The following BABAM2 variants were observed in gnomAD, a reference collection of about 807,000 sequenced individuals.
BABAM2 encodes the protein BRISC and BRCA1 A complex member 2, also known as BRISC and BRCA1-A complex member 2.
In BABAM2, 31 loss-of-function variants were observed where a neutral mutation model predicts 54.7. The observed-to-expected ratio is 0.57, with a 90% CI of 0.43 to 0.77. BABAM2 has a LOEUF of 0.77. BABAM2 is among the 30% of genes least tolerant of loss of function. The pLI is 0.00. For synonymous variants in BABAM2, 167 were observed against 162.9 expected, an observed-to-expected ratio of 1.03 and a Z score of -0.19; for missense variants, 364 against 455.8, an observed-to-expected ratio of 0.80 and a Z score of 1.83.
chr2:28,026,617 G>T (rs1675685347), intron 5 of BABAM2, among the ~76,000 whole-genome samples: 1 of 149,102 alleles, frequency 6.7e-6, no homozygotes, highest in Non-Finnish European at 1.5e-5. Flanking sequence ...ACCATTAGGA[G>T]ACATACCTGA....
At chr2:27,952,907 T>G (rs1384536634) in intron 3 of BABAM2, among the ~76,000 whole-genome samples, 1 of 152,230 alleles carries the variant, frequency 6.6e-6, no homozygotes, top group Non-Finnish European at 1.5e-5. Flanking sequence ...TCCAATTTAT[T>G]GAAATCTTTC....
At chr2:27,944,386 C>T (rs1669143182) in intron 3 of BABAM2, among the ~76,000 whole-genome samples, 1 of 152,146 alleles carries the variant, frequency 6.6e-6, no homozygotes, top group East Asian at 1.9e-4. Flanking sequence ...ACAAATCGGT[C>T]CCCTCCACCA....
chr2:27,894,008 A>AAG (rs1347470514), intron 1 of BABAM2, among the ~76,000 whole-genome samples: 3 of 151,876 alleles, frequency 2.0e-5, no homozygotes, highest in Admixed American at 6.6e-5. Flanking sequence ...AAAAAGAAAA[A>AAG]AAAAGAAAGA....
intron 11 of BABAM2, among the ~76,000 whole-genome samples, chr2:28,305,844 T>C (rs1322152897): frequency 6.6e-6 from 1 of 152,126 alleles, no homozygotes; most frequent in Non-Finnish European, 1.5e-5. Context: ...TAGGTCACAA[T>C]TTTAATCCTT....
At chr2:27,927,234 C>T (rs947615920) in intron 2 of BABAM2, among the ~76,000 whole-genome samples, 4 of 152,028 alleles carry the variant, frequency 2.6e-5, no homozygotes, top group African/African-American at 9.7e-5. Flanking sequence ...ATGAGTGTAA[C>T]CATTCGGGAA....
At chr2:28,081,756 G>A (rs940626476) in intron 6 of BABAM2, among the ~76,000 whole-genome samples, 3 of 152,106 alleles carry the variant, frequency 2.0e-5, no homozygotes, top group Non-Finnish European at 4.4e-5. Context: ...AATGAAAAGA[G>A]GCCCATAATT....
At chr2:28,303,252 C>T (rs754989615) in intron 11 of BABAM2, among the ~76,000 whole-genome samples, 5 of 152,068 alleles carry the variant, frequency 3.3e-5, no homozygotes, top group Non-Finnish European at 7.4e-5. Context: ...TTTGTATACT[C>T]AAAATTATTA....
At chr2:28,243,706 CA>C (rs57052815) in intron 9 of BABAM2, among the ~76,000 whole-genome samples, 25,781 of 147,598 alleles carry the variant, frequency 0.17, 2,309 homozygotes, top group African/African-American at 0.2. Flanking sequence ...GACTCTGTCT[CA>C]AAAAAAAAAT....
intron 3 of BABAM2, among the ~76,000 whole-genome samples, chr2:27,933,782 T>G (rs1005166481): frequency 6.7e-6 from 1 of 149,772 alleles, no homozygotes; most frequent in East Asian, 1.9e-4. Context: ...TTTTTTTTTT[T>G]TTTTTGAGAC....
chr2:27,950,269 A>AT (rs1669609242), intron 3 of BABAM2, among the ~76,000 whole-genome samples: 1 of 152,236 alleles, frequency 6.6e-6, no homozygotes, highest in African/African-American at 2.4e-5. Context: ...ATTTTAAAAT[A>AT]TCTTGTCAGA....
intron 10 of BABAM2, among the ~76,000 whole-genome samples, chr2:28,248,420 G>A (rs747453573): frequency 6.6e-6 from 1 of 151,778 alleles, no homozygotes; most frequent in Non-Finnish European, 1.5e-5. Context: ...TGTTGGTCAG[G>A]CTGGTCTCAA....
intron 7 of BABAM2, among the ~76,000 whole-genome samples, chr2:28,145,124 A>G (rs546782629): frequency 2.2e-4 from 34 of 152,366 alleles, no homozygotes; most frequent in African/African-American, 6.5e-4. Context: ...TACTTACTAA[A>G]CACTTGAGAA....
rs1485673788 is a variant in BABAM2, at chr2:28,298,408, C to G, written c.1005C>G (p.Asn335Lys). 1 of 1,614,158 alleles carries G rather than the reference C, an allele frequency of 6.2e-7. No individual in the cohort carries two copies. The change falls in exon 11 of 12, where the codon AAC becomes AAG. Residue 335 changes from asparagine (N) to lysine (K), a missense_variant. By Grantham distance (94) the Asn-to-Lys change is moderately conservative (BLOSUM62 0). Transcript: ENST00000379624. ...LTFQSVYHFT[N>K]SGQLYSQAQK... ...TTCAGTCCGTTTATCACTTTACCAA[C>G]AGTGGACAGCTTTACTCCCAGGCCC...
At chr2:28,025,201 C>A in intron 4 of BABAM2, 25 bp from the exon 5 acceptor site, 1 of 1,553,740 alleles carries the variant, frequency 6.4e-7, no homozygotes, top group Admixed American at 2.1e-5. Flanking sequence ...TTTAACTGGT[C>A]TTTTATTTGT....
chr2:28,040,164 C>A (rs1382485484), intron 5 of BABAM2, among the ~76,000 whole-genome samples: 1 of 151,870 alleles, frequency 6.6e-6, no homozygotes, highest in African/African-American at 2.4e-5. Flanking sequence ...ACTTGTTTTG[C>A]TCTTCATTTA....
intron 7 of BABAM2, among the ~76,000 whole-genome samples, chr2:28,231,759 C>A (rs925846659): frequency 7.4e-6 from 1 of 134,724 alleles, no homozygotes; most frequent in Admixed American, 7.9e-5. Context: ...GGTACTCTAA[C>A]CATTCTAATG....
At chr2:28,052,539 G>A (rs542452270) in intron 6 of BABAM2, among the ~76,000 whole-genome samples, 13 of 152,016 alleles carry the variant, frequency 8.6e-5, no homozygotes, top group Admixed American at 2.0e-4. Flanking sequence ...CTGCCTGCCT[G>A]GGTCTCCCAA....
chr2:28,077,363 C>T (rs1458077830), intron 6 of BABAM2, among the ~76,000 whole-genome samples: 1 of 151,996 alleles, frequency 6.6e-6, no homozygotes, highest in Non-Finnish European at 1.5e-5. Flanking sequence ...AGTCTGTAAG[C>T]TGCTATTAAA....
At chr2:28,044,943 A>G (rs1425199077) in intron 5 of BABAM2, among the ~76,000 whole-genome samples, 2 of 151,964 alleles carry the variant, frequency 1.3e-5, no homozygotes, top group African/African-American at 2.4e-5. Flanking sequence ...TAGCACCTCT[A>G]GATCTCTGCA....
Sources: gnomAD v4.1 joint callset for allele counts (sites outside exome capture counted in the v4.1 genomes callset) on GRCh38, gnomAD v4.1.1 for gene constraint, MANE v1.5 for transcripts, NCBI Gene and HGNC (gene_info 2026-07-23, HGNC 2026-07-21) for gene names.